The following LRRC4C variants were observed in gnomAD, a reference collection of about 807,000 sequenced individuals.
LRRC4C encodes the protein leucine-rich repeat-containing protein 4C.
In LRRC4C, 5 loss-of-function variants were observed where a neutral mutation model predicts 33.6. The ratio of observed to expected loss-of-function variants is 0.15; its 90% confidence interval spans 0.08 to 0.31. The LOEUF is 0.31. LRRC4C is among the 10% of genes least tolerant of loss of function. The pLI is 1.00. For synonymous variants in LRRC4C, 329 were observed against 302.0 expected (o/e 1.09, Z -0.93); for missense variants, 560 against 796.7 (o/e 0.70, Z 3.58).
At chr11:41,227,916 A>G (rs569918980) in intron 1 of LRRC4C, among the ~76,000 whole-genome samples, 3 of 151,878 alleles carry the variant, frequency 2.0e-5, no homozygotes, top group African/African-American at 7.2e-5. Context: ...GTTTGTGGAC[A>G]TTTATACATT....
intron 5 of LRRC4C, among the ~76,000 whole-genome samples, chr11:40,190,376 A>T (rs1445118226): frequency 6.6e-6 from 1 of 152,210 alleles, no homozygotes; most frequent in Admixed American, 6.5e-5. Context: ...AGAATACTGG[A>T]TGGATTTTTA....
chr11:40,607,376 T>C (rs1960735343), intron 3 of LRRC4C, among the ~76,000 whole-genome samples: 1 of 152,142 alleles, frequency 6.6e-6, no homozygotes, highest in Non-Finnish European at 1.5e-5. Context: ...AAGACAACTT[T>C]GGTCTGCTAT....
chr11:40,261,536 T>C lies in LRRC4C; in HGVS notation c.-175-19938A>G, dbSNP rs138666842. 2.0e-5 allele frequency among the ~76,000 whole-genome samples: 3 copies of C among 152,236 alleles called. No individual in the cohort carries two copies. The East Asian group carries it at 5.8e-4, about 29-fold the overall frequency. On this transcript the variant is annotated intron_variant, in intron 4 of 6. Transcript: ENST00000528697. ...CTATTTTCATCTTGCCTAACCAACA[T>C]TTAACAAGACTATAAATCTTTGTGA...
intron 3 of LRRC4C, among the ~76,000 whole-genome samples, chr11:40,473,598 C>T (rs1364632908): frequency 1.3e-5 from 2 of 152,010 alleles, no homozygotes; most frequent in Admixed American, 1.3e-4. Context: ...GGAAGTTCTG[C>T]CCGGGGCAAG....
chr11:41,167,759 C>A (rs994138008), intron 1 of LRRC4C, among the ~76,000 whole-genome samples: 2 of 152,172 alleles, frequency 1.3e-5, no homozygotes, highest in Admixed American at 6.5e-5. Context: ...ATAAAAAAAT[C>A]ATGAGCCTCA....
chr11:40,494,425 A>C (rs1954321280), intron 3 of LRRC4C, among the ~76,000 whole-genome samples: 1 of 152,206 alleles, frequency 6.6e-6, no homozygotes, highest in Non-Finnish European at 1.5e-5. Flanking sequence ...CTTGCATTTC[A>C]AGATAGAGAA....
chr11:41,195,785 CTT>C (rs1946154063), intron 1 of LRRC4C, among the ~76,000 whole-genome samples: 1 of 152,044 alleles, frequency 6.6e-6, no homozygotes, highest in Non-Finnish European at 1.5e-5. Flanking sequence ...CAATAAATCT[CTT>C]TAAGTTTCCT....
At chr11:41,020,363 G>C (rs1000317156) in intron 1 of LRRC4C, among the ~76,000 whole-genome samples, 1 of 152,056 alleles carries the variant, frequency 6.6e-6, no homozygotes, top group African/African-American at 2.4e-5. Context: ...GCATATGATC[G>C]TCTGTGGAAA....
chr11:41,081,312 T>C (rs543756555), intron 1 of LRRC4C, among the ~76,000 whole-genome samples: 3 of 152,264 alleles, frequency 2.0e-5, no homozygotes, highest in Non-Finnish European at 4.4e-5. Context: ...GACTTCTTCA[T>C]GGAAATATAA....
intron 1 of LRRC4C, among the ~76,000 whole-genome samples, chr11:40,946,005 G>T (rs73484729): frequency 0.022 from 3,334 of 152,232 alleles, 136 homozygotes; most frequent in African/African-American, 0.076. Context: ...GCATAATGCT[G>T]AGGTTTGGGA....
intron 1 of LRRC4C, among the ~76,000 whole-genome samples, chr11:41,396,960 T>C (rs1361088583): frequency 9.2e-5 from 14 of 152,034 alleles, no homozygotes; most frequent in Admixed American, 9.2e-4. Context: ...TAGTTTTAAG[T>C]ATTTCACATG....
At chr11:41,057,148 C>A (rs1481382990) in intron 1 of LRRC4C, among the ~76,000 whole-genome samples, 1 of 152,200 alleles carries the variant, frequency 6.6e-6, no homozygotes, top group Non-Finnish European at 1.5e-5. Context: ...CCGACCTTCG[C>A]AGGCTTGGAA....
Position 40,891,984 on chromosome 11 carries a change from A to T in LRRC4C, c.-407+41651T>A, listed in dbSNP as rs540395354. Among the ~76,000 whole-genome samples, 6 of 151,764 alleles carry T rather than the reference A, an allele frequency of 4.0e-5. No individual in the cohort carries two copies. The South Asian group carries it at 1.3e-3, about 32-fold the overall frequency. The stretch of plus-strand genomic sequence containing the variant: ...CCCCGTCTCTACTAAAAATACAAAA[A>T]ATTAGCCGGGCGTGGTGGTGGGCAC... On this transcript the variant is annotated intron_variant, in intron 2 of 6. Transcript: ENST00000528697.
At chr11:40,368,753 A>T (rs1948323096) in intron 3 of LRRC4C, among the ~76,000 whole-genome samples, 1 of 152,100 alleles carries the variant, frequency 6.6e-6, no homozygotes, top group Admixed American at 6.6e-5. Context: ...AGATAAGTCC[A>T]CCTTTAGTAG....
At chr11:40,680,346 A>G (rs1481777350) in intron 2 of LRRC4C, among the ~76,000 whole-genome samples, 1 of 152,180 alleles carries the variant, frequency 6.6e-6, no homozygotes, top group African/African-American at 2.4e-5. Context: ...AAATAAGTTG[A>G]GACTGGGGGA....
intron 2 of LRRC4C, among the ~76,000 whole-genome samples, chr11:40,929,640 A>G (rs995118077): frequency 6.6e-6 from 1 of 152,042 alleles, no homozygotes; most frequent in African/African-American, 2.4e-5. Context: ...TTTGAGACAG[A>G]GTCTCGCTCT....
rs527904431 is a variant in LRRC4C, at chr11:40,969,818, A to G, written c.-495-36095T>C. Among the ~76,000 whole-genome samples the G allele has an allele frequency of 2.0e-5, 3 of 152,306 alleles. No homozygotes were observed. The South Asian group carries it at 6.2e-4, about 32-fold the overall frequency. ...TGCAATATTTGCTTTATTTGCAGTG[A>G]CCTGGAATTGAACCCTGAATATCTT... On this transcript the variant is annotated intron_variant, in intron 1 of 6. Coordinates refer to ENST00000528697, the MANE Select transcript of LRRC4C (RefSeq NM_001258419.2).
intron 2 of LRRC4C, among the ~76,000 whole-genome samples, chr11:40,731,805 C>G (rs965520666): frequency 2.6e-5 from 4 of 152,068 alleles, no homozygotes; most frequent in Non-Finnish European, 5.9e-5. Context: ...TCACAGTTAA[C>G]AAAAGTAAAC....
chr11:40,865,507 G>C (rs1197560977), intron 2 of LRRC4C, among the ~76,000 whole-genome samples: 1 of 60,698 alleles, frequency 1.6e-5, no homozygotes, highest in East Asian at 4.4e-4. Flanking sequence ...CCATTCCACA[G>C]TGTGTATATA....
Sources: gnomAD v4.1 joint callset for allele counts (sites outside exome capture counted in the v4.1 genomes callset) on GRCh38, gnomAD v4.1.1 for gene constraint, MANE v1.5 for transcripts, NCBI Gene and HGNC (gene_info 2026-07-23, HGNC 2026-07-21) for gene names.